The following KSR2 variants were observed in gnomAD, a reference collection of about 807,000 sequenced individuals.
KSR2 encodes the protein kinase suppressor of ras 2.
KSR2 carries 25 observed loss-of-function variants against 107.8 expected under a neutral mutation model. That is an observed-to-expected ratio of 0.23 (90% CI 0.17 to 0.32). The LOEUF (loss-of-function observed/expected upper bound fraction) is 0.32. Ranked by LOEUF, KSR2 falls within the 10% of genes least tolerant of loss-of-function variation. KSR2 has a pLI of 1.00. For missense variants in KSR2, 887 were observed against 1,268.9 expected (o/e 0.70, Z 4.57); for synonymous variants, 480 against 507.0 (o/e 0.95, Z 0.71).
intron 18 of KSR2, among the ~76,000 whole-genome samples, chr12:117,470,102 C>T (rs113001629): frequency 6.3e-4 from 95 of 151,880 alleles, no homozygotes; most frequent in Non-Finnish European, 1.2e-3. Flanking sequence ...TATGATCCAT[C>T]CATCCATTCA....
chr12:117,471,472 G>A (rs564265241), intron 17 of KSR2, among the ~76,000 whole-genome samples, 152 bp from the exon 18 acceptor site: 3 of 152,214 alleles, frequency 2.0e-5, no homozygotes, highest in Admixed American at 1.3e-4. Context: ...TGCCATGTGC[G>A]ACATACCTAA....
At chr12:117,808,168 T>C (rs1200376174) in intron 3 of KSR2, among the ~76,000 whole-genome samples, 6 of 152,240 alleles carry the variant, frequency 3.9e-5, no homozygotes, top group Non-Finnish European at 7.3e-5. Flanking sequence ...TGGCATTTCC[T>C]TGGGCCGCTC....
intron 9 of KSR2, among the ~76,000 whole-genome samples, chr12:117,552,776 A>T (rs1372022464): frequency 6.6e-6 from 1 of 152,232 alleles, no homozygotes; most frequent in Non-Finnish European, 1.5e-5. Context: ...AAAAGCAGCC[A>T]CAGAAATATG....
At chr12:117,483,992 C>T (rs1182182593) in intron 16 of KSR2, among the ~76,000 whole-genome samples, 1 of 152,218 alleles carries the variant, frequency 6.6e-6, no homozygotes, top group Non-Finnish European at 1.5e-5. Flanking sequence ...CTGTGTCAGG[C>T]CATGGGTGCC....
At chr12:117,488,711 T>C (rs963808111) in intron 14 of KSR2, among the ~76,000 whole-genome samples, 1 of 151,706 alleles carries the variant, frequency 6.6e-6, no homozygotes, top group Non-Finnish European at 1.5e-5. Context: ...TTTTTTTTTT[T>C]TTTGAGATAG....
In KSR2 at chr12:117,881,673, T is replaced by C. The variant is rs149726077; in HGVS notation, c.181-21242A>G. The stretch of plus-strand genomic sequence containing the variant: ...CATTTTACAAATGAGGAAATGGAGG[T>C]CAGCTGACTTGCCTTGCACAATGCC... On this transcript the variant is annotated intron_variant, in intron 1 of 19. Transcript: ENST00000339824. Among the ~76,000 whole-genome samples the C allele has an allele frequency of 2.0e-4, 30 of 152,236 alleles. No individual in the cohort carries two copies. The East Asian group carries it at 5.0e-3, about 25-fold the overall frequency.
At position 117,564,648 on chromosome 12, in the gene KSR2, T is replaced by C. The variant is rs1366689089; in HGVS notation, c.1326-6075A>G. The stretch of plus-strand genomic sequence containing the variant: ...AAATGAGACATCATCTCTGTCTGAA[T>C]ATTAAATATGTGAATTTATCTTGAG... On this transcript the variant is annotated intron_variant, in intron 7 of 19. Coordinates refer to ENST00000339824, the MANE Select transcript of KSR2 (RefSeq NM_173598.6). 5.9e-5 allele frequency among the ~76,000 whole-genome samples: 9 copies of C among 152,246 alleles called. No homozygotes were observed. The East Asian group carries it at 1.7e-3, about 29-fold the overall frequency.
At chr12:117,906,847 C>T (rs1022919807) in intron 1 of KSR2, among the ~76,000 whole-genome samples, 2 of 152,016 alleles carry the variant, frequency 1.3e-5, no homozygotes, top group Non-Finnish European at 2.9e-5. Flanking sequence ...GGGCAACATA[C>T]TGAGGCCCCC....
In KSR2 at chr12:117,968,307, A is replaced by AAAAAAGG. The variant is rs1896859852; in HGVS notation, c.-53_-52insCCTTTTT. On this transcript the variant is annotated 5_prime_UTR_variant, in exon 1 of 20. Coordinates refer to ENST00000339824, the MANE Select transcript of KSR2 (RefSeq NM_173598.6). ...CCTCCTCCTCCCAGAGAGAAAAAAGAGGGGGGGGAGTAGAGGTAGTCTACC... is the reference window on the plus strand; with the variant it reads ...CCTCCTCCTCCCAGAGAGAAAAAAGAAAAAAGGGGGGGGGGAGTAGAGGTAGTCTACC... 7.8e-7 allele frequency: 1 copy of AAAAAAGG among 1,289,630 alleles called. No homozygotes were observed. The highest frequency in any genetic ancestry group is 1.7e-5 in the South Asian group (1 of 59,610). 79.9% of individuals were successfully genotyped at this position (1,289,630 alleles called of 1,614,324 possible).
intron 4 of KSR2, among the ~76,000 whole-genome samples, chr12:117,744,869 G>T (rs1397105181): frequency 6.6e-6 from 1 of 152,122 alleles, no homozygotes; most frequent in Non-Finnish European, 1.5e-5. Context: ...TCCCCTGCAA[G>T]AAACCTACCA....
At chr12:117,539,609 G>T in intron 10 of KSR2, 110 bp downstream of exon 10, 2 of 1,079,738 alleles carry the variant, frequency 1.9e-6, no homozygotes, top group Non-Finnish European at 2.6e-6. Flanking sequence ...TGACCCATTC[G>T]CTTTCCTGCA....
At chr12:117,908,766 G>A (rs1894927581) in intron 1 of KSR2, among the ~76,000 whole-genome samples, 1 of 152,184 alleles carries the variant, frequency 6.6e-6, no homozygotes. Flanking sequence ...AATTACTTTT[G>A]TACCAACCTA....
chr12:117,724,567 C>CA (rs1261066996), intron 4 of KSR2, among the ~76,000 whole-genome samples: 2 of 126,518 alleles, frequency 1.6e-5, no homozygotes, highest in South Asian at 2.5e-4. Flanking sequence ...GGATCATCAG[C>CA]AAAAAAACCT....
intron 5 of KSR2, among the ~76,000 whole-genome samples, chr12:117,639,658 A>ATTATTATTATTAT (rs139711049): frequency 1.5e-3 from 158 of 102,866 alleles, no homozygotes; most frequent in Admixed American, 2.8e-3. Context: ...TATTATTATT[A>ATTATTATTATTAT]TATTATTTTA....
intron 5 of KSR2, among the ~76,000 whole-genome samples, chr12:117,601,295 T>TG (rs5801243): frequency 0.04 from 5,402 of 134,152 alleles, 233 homozygotes; most frequent in African/African-American, 0.064. Flanking sequence ...TCCAAGATCT[T>TG]GGGGGGGGGG....
chr12:117,857,277 C>G lies in KSR2; in HGVS notation c.322-1699G>C, dbSNP rs1319306810. ...ATCTCACTATGTTGCCCAGGCTGGT[C>G]TCGAATTCCTGGCCTCAAGTGATCC... is the stretch of plus-strand genomic sequence containing the variant. On this transcript the variant is annotated intron_variant, in intron 2 of 19. Transcript: ENST00000339824. Among the ~76,000 whole-genome samples, 9 of 152,194 alleles carry G rather than the reference C, an allele frequency of 5.9e-5. No individual in the cohort carries two copies. The East Asian group carries it at 1.5e-3, about 26-fold the overall frequency.
chr12:117,765,597 C>T (rs1452992861), intron 3 of KSR2, among the ~76,000 whole-genome samples: 1 of 152,124 alleles, frequency 6.6e-6, no homozygotes, highest in Non-Finnish European at 1.5e-5. Flanking sequence ...AGAAATAAAA[C>T]ACACACACTC....
chr12:117,486,326 A>G (rs553749146), intron 14 of KSR2, among the ~76,000 whole-genome samples: 21 of 152,206 alleles, frequency 1.4e-4, no homozygotes, highest in Admixed American at 5.9e-4. Context: ...GACATTATGC[A>G]CTGAAAGTAA....
chr12:117,932,415 A>G (rs1253289789), intron 1 of KSR2, among the ~76,000 whole-genome samples: 1 of 152,080 alleles, frequency 6.6e-6, no homozygotes, highest in East Asian at 1.9e-4. Flanking sequence ...TCATAACACT[A>G]CAGTCAAAAA....
Sources: gnomAD v4.1 joint callset for allele counts (sites outside exome capture counted in the v4.1 genomes callset) on GRCh38, gnomAD v4.1.1 for gene constraint, MANE v1.5 for transcripts, NCBI Gene and HGNC (gene_info 2026-07-23, HGNC 2026-07-21) for gene names.